Variants in SIAH3 observed in about 807,000 individuals in gnomAD.
The protein encoded by SIAH3 is seven in absentia homolog 3.
In SIAH3, 9 loss-of-function variants were observed where a neutral mutation model predicts 12.6. That is an observed-to-expected ratio of 0.72 (90% confidence interval 0.43 to 1.25). SIAH3 has a LOEUF of 1.25. Ranked by LOEUF, SIAH3 falls within the 50% of genes most tolerant of loss-of-function variation. The pLI, the probability that SIAH3 is intolerant of heterozygous loss-of-function variation, is 0.00. For missense variants in SIAH3, 390 were observed against 365.4 expected (o/e 1.07, Z -0.55); for synonymous variants, 154 against 151.1 (o/e 1.02, Z -0.14).
intron 1 of SIAH3, among the ~76,000 whole-genome samples, chr13:45,841,574 A>G (rs1005686514): frequency 6.6e-6 from 1 of 152,242 alleles, no homozygotes. Flanking sequence ...AAATGATTAC[A>G]AGATATAGCA....
At chr13:45,823,632 T>C (rs148144401) in intron 1 of SIAH3, among the ~76,000 whole-genome samples, 18 of 152,344 alleles carry the variant, frequency 1.2e-4, no homozygotes, top group Admixed American at 6.5e-5. Context: ...TTGAAAGATT[T>C]TGGTCTCAAA....
At chr13:45,820,396 G>A (rs190405159) in intron 1 of SIAH3, among the ~76,000 whole-genome samples, 3 of 152,162 alleles carry the variant, frequency 2.0e-5, no homozygotes, top group South Asian at 2.1e-4. Context: ...CAGGGGCTGC[G>A]TCTCCTCACA....
At chr13:45,847,163 G>A (rs566602946) in intron 1 of SIAH3, among the ~76,000 whole-genome samples, 2 of 152,310 alleles carry the variant, frequency 1.3e-5, no homozygotes, top group Admixed American at 1.3e-4. Flanking sequence ...ACTGTGTGGA[G>A]AGGAACTGAG....
chr13:45,783,769 C>T lies in SIAH3; in HGVS notation c.424G>A (p.Val142Ile), dbSNP rs375485425. Residue 142 changes from valine to isoleucine, a missense_variant, in exon 2 of 2, where the codon GTC (valine) becomes ATC (isoleucine). By Grantham distance (29) the Val-to-Ile change is conservative. Coordinates refer to ENST00000400405, the MANE Select transcript of SIAH3 (RefSeq NM_198849.3). The part of the protein sequence containing the change: ...RVDILQGAEI[V>I]FLATDMHLPA... ...AGGTGCATGTCCGTGGCCAGGAAGA[C>T]GATCTCGGCTCCCTGGAGGATGTCA... 12 of 1,614,112 alleles carry T rather than the reference C, an allele frequency of 7.4e-6. No individual in the cohort carries two copies. Among genetic ancestry groups the T allele is most frequent in the South Asian group, 1.1e-5 (1 of 91,090 alleles).
Position 45,800,500 on chromosome 13 carries a change from G to T in SIAH3, c.136-16443C>A, listed in dbSNP as rs532100375. On this transcript the variant is annotated intron_variant, in intron 1 of 1. Transcript: ENST00000400405. The stretch of plus-strand genomic sequence containing the variant: ...AAAGAATTTGCTGTCTTTTCTCAGA[G>T]TCACTGTGTCGATTTCTTTTGGGCC... Among the ~76,000 whole-genome samples, 7 of 152,334 alleles carry T rather than the reference G, an allele frequency of 4.6e-5. No individual in the cohort carries two copies. The South Asian group carries it at 1.5e-3, about 32-fold the overall frequency.
chr13:45,793,643 T>C (rs1950553349), intron 1 of SIAH3, among the ~76,000 whole-genome samples: 2 of 151,918 alleles, frequency 1.3e-5, no homozygotes, highest in South Asian at 4.2e-4. Flanking sequence ...AATAAATAAC[T>C]CCTCCCCATT....
chr13:45,824,121 AG>A (rs780313825), intron 1 of SIAH3, among the ~76,000 whole-genome samples: 1 of 152,216 alleles, frequency 6.6e-6, no homozygotes, highest in Non-Finnish European at 1.5e-5. Flanking sequence ...CTCTATAATT[AG>A]GGCAATTTTT....
intron 1 of SIAH3, among the ~76,000 whole-genome samples, chr13:45,816,443 A>G (rs1281343596): frequency 1.3e-5 from 2 of 152,220 alleles, no homozygotes; most frequent in Admixed American, 6.5e-5. Context: ...TATTTCCACT[A>G]ACATATGGAT....
intron 1 of SIAH3, among the ~76,000 whole-genome samples, chr13:45,839,696 G>A (rs191397641): frequency 1.2e-4 from 19 of 152,192 alleles, no homozygotes; most frequent in Admixed American, 1.0e-3. Flanking sequence ...GCCGGGCGTG[G>A]TGGTACCTGC....
intron 1 of SIAH3, among the ~76,000 whole-genome samples, chr13:45,784,396 CTGTTTTTT>C (rs1349908486): frequency 5.9e-5 from 6 of 102,012 alleles, no homozygotes; most frequent in Non-Finnish European, 1.0e-4. Context: ...ACAAAGACAG[CTGTTTTTT>C]TTTTTTTTTT....
At chr13:45,831,082 G>A (rs1231164874) in intron 1 of SIAH3, among the ~76,000 whole-genome samples, 2 of 151,986 alleles carry the variant, frequency 1.3e-5, no homozygotes. Flanking sequence ...GAGAGACTGA[G>A]GCAAGAGAAT....
At chr13:45,818,257 C>A (rs1950641718) in intron 1 of SIAH3, among the ~76,000 whole-genome samples, 1 of 152,190 alleles carries the variant, frequency 6.6e-6, no homozygotes, top group Non-Finnish European at 1.5e-5. Flanking sequence ...TTCTTCAGGT[C>A]ACCTTCCAAA....
chr13:45,832,011 G>C (rs1169083514), intron 1 of SIAH3, among the ~76,000 whole-genome samples: 1 of 152,144 alleles, frequency 6.6e-6, no homozygotes, highest in Non-Finnish European at 1.5e-5. Context: ...AGCATTTCCA[G>C]CCCAGGGGTG....
chr13:45,785,815 A>G (rs1052770842), intron 1 of SIAH3, among the ~76,000 whole-genome samples: 2 of 151,980 alleles, frequency 1.3e-5, no homozygotes, highest in African/African-American at 4.8e-5. Flanking sequence ...CCATCCTGCA[A>G]CCCCACCTGG....
intron 1 of SIAH3, among the ~76,000 whole-genome samples, chr13:45,844,513 C>A (rs921947439): frequency 2.0e-5 from 3 of 152,216 alleles, no homozygotes; most frequent in Admixed American, 6.5e-5. Flanking sequence ...GTTCTAAGGC[C>A]TTCGGACTTG....
At chr13:45,810,482 A>G (rs1566091300) in intron 1 of SIAH3, among the ~76,000 whole-genome samples, 1 of 152,042 alleles carries the variant, frequency 6.6e-6, no homozygotes, top group Non-Finnish European at 1.5e-5. Flanking sequence ...TTACATATGG[A>G]GGTATTGATG....
At chr13:45,817,207 T>C (rs1167866616) in intron 1 of SIAH3, among the ~76,000 whole-genome samples, 1 of 152,266 alleles carries the variant, frequency 6.6e-6, no homozygotes, top group African/African-American at 2.4e-5. Context: ...ACACTGCATT[T>C]TTAATGTATC....
chr13:45,787,602 G>C (rs1950532607), intron 1 of SIAH3, among the ~76,000 whole-genome samples: 1 of 152,228 alleles, frequency 6.6e-6, no homozygotes, highest in Non-Finnish European at 1.5e-5. Flanking sequence ...GAGCAGGTTT[G>C]AAGGAGCTGG....
At chr13:45,831,127 C>G (rs867663777) in intron 1 of SIAH3, among the ~76,000 whole-genome samples, 1 of 151,428 alleles carries the variant, frequency 6.6e-6, no homozygotes, top group South Asian at 2.1e-4. Flanking sequence ...TGCAGTGAGC[C>G]GAGATCGGGC....
Sources: gnomAD v4.1 joint callset for allele counts (sites outside exome capture counted in the v4.1 genomes callset) on GRCh38, gnomAD v4.1.1 for gene constraint, MANE v1.5 for transcripts, NCBI Gene and HGNC (gene_info 2026-07-23, HGNC 2026-07-21) for gene names.